Variants in PTN observed in about 807,000 individuals in gnomAD.
PTN encodes pleiotrophin, also known as heparin affin regulatory protein.
Under a neutral mutation model 24.1 loss-of-function variants are expected in PTN, and 18 were observed. That is an observed-to-expected ratio of 0.75 (90% CI 0.52 to 1.11). The LOEUF (loss-of-function observed/expected upper bound fraction) is 1.11. PTN is among the 50% of genes least tolerant of loss of function. The pLI is 0.00. For synonymous variants in PTN, 78 were observed against 68.6 expected, an observed-to-expected ratio of 1.14 and a Z score of -0.67; for missense variants, 163 against 198.8, an observed-to-expected ratio of 0.82 and a Z score of 1.08.
intron 1 of PTN, among the ~76,000 whole-genome samples, chr7:137,329,694 G>A (rs577187772): frequency 1.3e-5 from 2 of 152,258 alleles, no homozygotes; most frequent in South Asian, 4.2e-4. Flanking sequence ...GGACAAGAGA[G>A]GAATAGAAAG....
At chr7:137,236,584 T>G (rs1305613415) in intron 4 of PTN, among the ~76,000 whole-genome samples, 1 of 152,108 alleles carries the variant, frequency 6.6e-6, no homozygotes, top group African/African-American at 2.4e-5. Flanking sequence ...TGTAGACCAC[T>G]CTCAAGATTT....
intron 1 of PTN, among the ~76,000 whole-genome samples, chr7:137,331,625 G>T (rs1433381240): frequency 6.6e-6 from 1 of 152,152 alleles, no homozygotes; most frequent in African/African-American, 2.4e-5. Flanking sequence ...CATCAAAGAG[G>T]TTTGCTGATC....
intron 4 of PTN, among the ~76,000 whole-genome samples, chr7:137,248,365 A>T (rs999465837): frequency 2.6e-5 from 4 of 152,128 alleles, no homozygotes; most frequent in African/African-American, 9.7e-5. Flanking sequence ...TATCTGACAC[A>T]TCTCCCTGGT....
intron 4 of PTN, among the ~76,000 whole-genome samples, chr7:137,248,271 T>A (rs1808759246): frequency 6.6e-6 from 1 of 152,236 alleles, no homozygotes; most frequent in Non-Finnish European, 1.5e-5. Flanking sequence ...TGCCACTCGT[T>A]ACATTTTGGT....
intron 1 of PTN, among the ~76,000 whole-genome samples, chr7:137,337,142 G>A (rs540935152): frequency 1.1e-3 from 164 of 152,282 alleles, no homozygotes; most frequent in African/African-American, 3.3e-3. Flanking sequence ...CAGGCAGCTG[G>A]AACCTACACA....
At chr7:137,340,078 C>G (rs1810510276) in intron 1 of PTN, among the ~76,000 whole-genome samples, 1 of 152,036 alleles carries the variant, frequency 6.6e-6, no homozygotes, top group Non-Finnish European at 1.5e-5. Flanking sequence ...TGAGATATCA[C>G]TTTATCTCAA....
intron 1 of PTN, among the ~76,000 whole-genome samples, chr7:137,278,935 C>T (rs977539880): frequency 1.5e-4 from 17 of 111,516 alleles, no homozygotes; most frequent in African/African-American, 5.7e-4. Flanking sequence ...AGTGAGACTC[C>T]ATCTCAGAAC....
intron 4 of PTN, chr7:137,236,145 A>G: frequency 1.4e-6 from 1 of 701,928 alleles, no homozygotes; most frequent in Non-Finnish European, 2.6e-6. Context: ...TCAACTCACC[A>G]GTTGCATCAG....
At chr7:137,333,867 G>C (rs1028322763) in intron 1 of PTN, among the ~76,000 whole-genome samples, 6 of 152,096 alleles carry the variant, frequency 3.9e-5, no homozygotes, top group East Asian at 1.9e-4. Context: ...GAACAGAACA[G>C]AGCCCTCAGA....
intron 1 of PTN, among the ~76,000 whole-genome samples, chr7:137,291,134 C>G (rs971520346): frequency 1.3e-5 from 2 of 152,090 alleles, no homozygotes; most frequent in Non-Finnish European, 2.9e-5. Flanking sequence ...GTTGTTTATT[C>G]TGTCTGTATA....
chr7:137,269,791 C>A (rs1809242215), intron 1 of PTN, among the ~76,000 whole-genome samples: 1 of 151,800 alleles, frequency 6.6e-6, no homozygotes, highest in Non-Finnish European at 1.5e-5. Flanking sequence ...CGCTACCCTG[C>A]CCGGCTAATT....
At chr7:137,244,166 G>A (rs1195140398) in intron 4 of PTN, among the ~76,000 whole-genome samples, 1 of 152,052 alleles carries the variant, frequency 6.6e-6, no homozygotes, top group African/African-American at 2.4e-5. Context: ...ATTTATCCCT[G>A]CCAGACTCTG....
intron 1 of PTN, among the ~76,000 whole-genome samples, chr7:137,278,765 C>A (rs1809413443): frequency 6.6e-6 from 1 of 151,458 alleles, no homozygotes; most frequent in Non-Finnish European, 1.5e-5. Context: ...CATGGTGACA[C>A]CCCATCTCTA....
At chr7:137,323,945 A>C (rs1241225105) in intron 1 of PTN, among the ~76,000 whole-genome samples, 1 of 152,186 alleles carries the variant, frequency 6.6e-6, no homozygotes, top group Non-Finnish European at 1.5e-5. Context: ...AAAATCATAG[A>C]CACTGAATCA....
chr7:137,319,402 T>G (rs1311834925), intron 1 of PTN, among the ~76,000 whole-genome samples: 3 of 152,218 alleles, frequency 2.0e-5, no homozygotes, highest in Non-Finnish European at 4.4e-5. Context: ...AAAGCGGGCA[T>G]GACTTTAATA....
At chr7:137,249,646 A>T (rs1448659822) in intron 4 of PTN, among the ~76,000 whole-genome samples, 1 of 152,160 alleles carries the variant, frequency 6.6e-6, no homozygotes, top group Non-Finnish European at 1.5e-5. Context: ...GAGTTTTGCC[A>T]TTTTTGGAAA....
At chr7:137,301,875 C>T (rs922756858) in intron 1 of PTN, among the ~76,000 whole-genome samples, 10 of 151,956 alleles carry the variant, frequency 6.6e-5, no homozygotes, top group African/African-American at 2.4e-5. Context: ...TAGAGGTAAC[C>T]GCGAACCTCT....
rs574964343 is a variant in PTN at position 137,300,014 on chromosome 7, T to C, written c.-2+43425A>G. ...ATCCCAAGTCTTTGGGCTAAGCACA[T>C]GAGGAAGAAAAGCCCAAGATGAAGT... On this transcript the variant is annotated intron_variant, in intron 1 of 4. Transcript: ENST00000348225. Among the ~76,000 whole-genome samples, 13 of 151,806 alleles carry C rather than the reference T, an allele frequency of 8.6e-5. No homozygotes were observed. The East Asian group carries it at 2.4e-3, about 28-fold the overall frequency.
intron 1 of PTN, among the ~76,000 whole-genome samples, chr7:137,266,940 C>T (rs935075794): frequency 9.4e-5 from 14 of 149,504 alleles, no homozygotes; most frequent in Admixed American, 2.0e-4. Flanking sequence ...CTGGGCCATC[C>T]GCAGGTTACT....
Sources: allele counts gnomAD v4.1 joint callset (sites outside exome capture counted in the v4.1 genomes callset), GRCh38; gene constraint gnomAD v4.1.1; transcripts MANE v1.5; gene names NCBI Gene and HGNC (gene_info 2026-07-23, HGNC 2026-07-21).